The following SARS1 variants were observed in gnomAD, a reference collection of about 807,000 sequenced individuals.
SARS1 encodes seryl-tRNA synthetase 1.
Under a neutral mutation model 63.7 loss-of-function variants are expected in SARS1, and 25 were observed. The observed-to-expected ratio is 0.39, with a 90% CI of 0.29 to 0.55. The LOEUF is 0.55. Among genes scored for constraint, SARS1 ranks in the 20% least tolerant of loss-of-function variants. The pLI is 0.62. For synonymous variants in SARS1, 231 were observed against 243.5 expected (o/e 0.95, Z 0.48); for missense variants, 417 against 649.7 (o/e 0.64, Z 3.89).
rs751902075 is a variant in SARS1 at position 109,237,398 on chromosome 1, G to A, written c.1387+25G>A. On this transcript the variant is annotated intron_variant, in intron 10 of 10. Transcript: ENST00000234677. This position sits in a 1 kb window ranked among gnomAD's most constrained non-coding sequence, Gnocchi z 4.1. ...GGTAAAACTCCCAGCTCATCTCATC[G>A]TTCTCCTCTTTTCTGTCTTCACACT... 1.7e-5 allele frequency: 28 copies of A among 1,613,972 alleles called. No individual in the cohort carries two copies. The highest frequency in any genetic ancestry group is 1.3e-4 in the African/African-American group (10 of 74,924).
Position 109,231,700 on chromosome 1 carries a change from A to G in SARS1, c.661A>G (p.Ile221Val), listed in dbSNP as rs1177199794. 1.3e-6 allele frequency: 2 copies of G among 1,595,934 alleles called. No individual in the cohort carries two copies. The highest frequency in any genetic ancestry group is 1.1e-5 in the South Asian group (1 of 88,686). Residue 221 changes from isoleucine (I) to valine (V), a missense_variant, in exon 6 of 11, where the codon ATT becomes GTT. This residue lies in a region of SARS1 where 359 missense variants were observed against 529.6 expected (regional missense o/e 0.68). Transcript: ENST00000234677. ...TCGCACCTTGGGAAGTCGGGGCTAC[A>G]TTCCCATTTATACCCCCTTTTTCAT... ...ALRTLGSRGYIPIYTPFFMRK... is the reference protein window; with the variant it reads ...ALRTLGSRGYVPIYTPFFMRK...
At chr1:109,229,380 G>C (rs933424376) in intron 3 of SARS1, 34 bp from the exon 4 acceptor site, 58 of 1,608,620 alleles carry the variant, frequency 3.6e-5, no homozygotes, top group Non-Finnish European at 4.8e-5. Flanking sequence ...TTGCCTCACT[G>C]TCCTGCTTAT....
chr1:109,236,805 A>T, intron 9 of SARS1: 1 of 1,594,502 alleles, frequency 6.3e-7, no homozygotes, highest in Non-Finnish European at 8.5e-7. Flanking sequence ...TTAACTCCAG[A>T]GAAAGAATAA....
rs374039692 is a variant in SARS1 at position 109,238,075 on chromosome 1, C to T, written c.*187C>T. On this transcript the variant is annotated 3_prime_UTR_variant, in exon 11 of 11. Coordinates refer to ENST00000234677, the MANE Select transcript of SARS1 (RefSeq NM_006513.4). Reference sequence around the variant, plus strand: ...TCCTCGCATGGGCATAGGGACCCATCATTGATGACTGATGAAACCATGTAA... The same window carrying T: ...TCCTCGCATGGGCATAGGGACCCATTATTGATGACTGATGAAACCATGTAA... 1 of 637,406 alleles carries T rather than the reference C, an allele frequency of 1.6e-6. No individual in the cohort carries two copies. The highest frequency in any genetic ancestry group is 2.9e-5 in the Admixed American group (1 of 34,110). The allele number at this position is 637,406 out of a possible 1,614,324, so 39.5% of individuals were successfully genotyped here.
At chr1:109,226,561 A>G (rs1342581449) in intron 2 of SARS1, among the ~76,000 whole-genome samples, 3 of 144,784 alleles carry the variant, frequency 2.1e-5, no homozygotes, top group East Asian at 2.1e-4. Flanking sequence ...TGGCACAAGC[A>G]TAGCTCACCA....
chr1:109,215,488 G>A, intron 1 of SARS1: 13 of 985,064 alleles, frequency 1.3e-5, no homozygotes, highest in Non-Finnish European at 1.6e-5. Context: ...TATTCATACA[G>A]TATATATGTG....
At position 109,237,479 on chromosome 1, in the gene SARS1, C is replaced by G; in HGVS notation, c.1387+106C>G. The G allele has an allele frequency of 6.6e-7, 1 of 1,507,494 alleles. No homozygotes were observed. Among genetic ancestry groups the G allele is most frequent in the Non-Finnish European group, 9.1e-7 (1 of 1,100,424 alleles). 93.4% of individuals were successfully genotyped at this position (1,507,494 alleles called of 1,614,324 possible). A position where few individuals can be genotyped will look rare whatever the true frequency, so the allele number is the denominator to read the frequency against. On this transcript the variant is annotated intron_variant, in intron 10 of 10. Transcript: ENST00000234677. The surrounding 1 kb of genome is among the most constrained non-coding windows in gnomAD (Gnocchi z 4.1). ...ACCAGGTTTTTTTGTTCAGACACAG[C>G]CCCTGAAACTCTGTCTGCCCTCTCG...
Position 109,217,988 on chromosome 1 carries a change from G to A in SARS1, c.136+3860G>A, listed in dbSNP as rs906683312. 8.6e-5 allele frequency among the ~76,000 whole-genome samples: 13 copies of A among 151,472 alleles called. 1 individual carries two copies. The highest frequency in any genetic ancestry group is 6.9e-3 in the Middle Eastern group (2 of 290). On this transcript the variant is annotated intron_variant, in intron 1 of 10. Coordinates refer to ENST00000234677, the MANE Select transcript of SARS1 (RefSeq NM_006513.4). ...AGGCAGATCACAAGGTCAGGAGATC[G>A]AGACCATCCTGGCTAACACGGTGAA...
chr1:109,223,559 C>T (rs190946746), intron 1 of SARS1, among the ~76,000 whole-genome samples: 5 of 152,300 alleles, frequency 3.3e-5, no homozygotes, highest in African/African-American at 7.2e-5. Flanking sequence ...CAGTGGCTCA[C>T]GCCTGTAATC....
chr1:109,232,000 A>C (rs115465712), intron 6 of SARS1, among the ~76,000 whole-genome samples: 3 of 152,218 alleles, frequency 2.0e-5, no homozygotes, highest in Admixed American at 6.5e-5. Flanking sequence ...AATGACTGCC[A>C]TATTAGACAG....
intron 2 of SARS1, among the ~76,000 whole-genome samples, chr1:109,227,593 A>AGCAGGTAGATAAGAATCTACACTC (rs1655116283): frequency 6.6e-6 from 1 of 152,070 alleles, no homozygotes; most frequent in Admixed American, 6.5e-5. Flanking sequence ...GATTGTTGTT[A>AGCAGGTAGATAAGAATCTACACTC]GCAGGTAGAT....
intron 3 of SARS1, among the ~76,000 whole-genome samples, chr1:109,228,752 C>T (rs1445328756): frequency 6.6e-6 from 1 of 152,176 alleles, no homozygotes. Flanking sequence ...TTTACTGTAA[C>T]ACAGTAAATA....
intron 4 of SARS1, 69 bp from the exon 5 acceptor site, chr1:109,230,805 CAAAA>C: frequency 2.8e-6 from 3 of 1,088,256 alleles, no homozygotes. Context: ...ACCCTGTCTC[CAAAA>C]AAAAAAAATA....
chr1:109,221,086 G>C (rs1654918021), intron 1 of SARS1, among the ~76,000 whole-genome samples: 1 of 146,710 alleles, frequency 6.8e-6, no homozygotes. Flanking sequence ...TCTTGAGACA[G>C]AGTCTCATTC....
intron 6 of SARS1, among the ~76,000 whole-genome samples, chr1:109,234,317 C>T (rs1256288058): frequency 6.6e-6 from 1 of 152,170 alleles, no homozygotes. Flanking sequence ...AGCCACCGTG[C>T]CTGGCCACCT....
At chr1:109,227,149 C>A (rs553458610) in intron 2 of SARS1, among the ~76,000 whole-genome samples, 2 of 151,686 alleles carry the variant, frequency 1.3e-5, no homozygotes, top group African/African-American at 2.4e-5. Context: ...TGTCTGCTAC[C>A]GCGCCTGCCT....
intron 1 of SARS1, among the ~76,000 whole-genome samples, chr1:109,221,953 A>AATTT (rs1654936683): frequency 1.3e-5 from 1 of 74,360 alleles, no homozygotes; most frequent in Admixed American, 1.4e-4. Context: ...ATGCTCAGCT[A>AATTT]ATTTTTTTGT....
Position 109,237,646 on chromosome 1 carries a change from T to C in SARS1, c.1388-85T>C. On this transcript the variant is annotated intron_variant, in intron 10 of 10. Coordinates refer to ENST00000234677, the MANE Select transcript of SARS1 (RefSeq NM_006513.4). This position sits in a 1 kb window ranked among gnomAD's most constrained non-coding sequence, Gnocchi z 4.1. ...GGGACCCCTCTGTTCAAAGGGATCA[T>C]TGTCTTGTTGAATTCTCCCCAGAGG... 1.4e-6 allele frequency: 2 copies of C among 1,461,854 alleles called. No individual in the cohort carries two copies. Among genetic ancestry groups the C allele is most frequent in the Non-Finnish European group, 1.9e-6 (2 of 1,062,512 alleles). 90.6% of individuals were successfully genotyped at this position (1,461,854 alleles called of 1,614,324 possible). A position where few individuals can be genotyped will look rare whatever the true frequency, so the allele number is the denominator to read the frequency against.
intron 1 of SARS1, among the ~76,000 whole-genome samples, chr1:109,221,734 A>G (rs1410195499): frequency 6.6e-6 from 1 of 152,110 alleles, no homozygotes; most frequent in Non-Finnish European, 1.5e-5. Context: ...GAGAAATTAA[A>G]AACAATGAAG....
Sources: allele counts gnomAD v4.1 joint callset (sites outside exome capture counted in the v4.1 genomes callset), GRCh38; gene constraint gnomAD v4.1.1; regional missense constraint gnomAD v4.1.1; non-coding constraint Gnocchi (gnomAD v3.1); transcripts MANE v1.5; gene names NCBI Gene and HGNC (gene_info 2026-07-23, HGNC 2026-07-21).